The following CACNA1D variants were observed in gnomAD, a reference collection of about 807,000 sequenced individuals.
The protein encoded by CACNA1D is voltage-dependent L-type calcium channel subunit alpha-1D.
In CACNA1D, 55 loss-of-function variants were observed where a neutral mutation model predicts 257.1. The ratio of observed to expected loss-of-function variants is 0.21; its 90% CI spans 0.17 to 0.27. The LOEUF (loss-of-function observed/expected upper bound fraction) is 0.27. CACNA1D is among the 10% of genes least tolerant of loss of function. CACNA1D has a pLI of 1.00. For missense variants in CACNA1D, 1,876 were observed against 2,784.0 expected, an observed-to-expected ratio of 0.67 and a Z score of 7.34; for synonymous variants, 980 against 1,014.9, an observed-to-expected ratio of 0.97 and a Z score of 0.65.
At chr3:53,667,275 T>C (rs1047674215) in intron 7 of CACNA1D, among the ~76,000 whole-genome samples, 31 of 152,220 alleles carry the variant, frequency 2.0e-4, no homozygotes, top group African/African-American at 6.5e-4. Flanking sequence ...AGATTTGCTG[T>C]ATAAAAATAA....
intron 18 of CACNA1D, 129 bp downstream of exon 18, chr3:53,732,211 T>G: frequency 1.4e-6 from 1 of 738,784 alleles, no homozygotes; most frequent in East Asian, 2.6e-5. Context: ...ACCAAGGCCG[T>G]GGGACCAGTT....
chr3:53,583,458 C>T (rs906194874), intron 3 of CACNA1D, among the ~76,000 whole-genome samples: 8 of 152,148 alleles, frequency 5.3e-5, no homozygotes, highest in Non-Finnish European at 8.8e-5. Flanking sequence ...GCCCCATGAC[C>T]CCCAAGTATA....
At position 53,811,093 on chromosome 3, in the gene CACNA1D, C is replaced by T. The variant is rs376690089; in HGVS notation, c.6193-20C>T. The T allele has an allele frequency of 6.2e-7, 1 of 1,608,150 alleles. No individual in the cohort carries two copies. Among genetic ancestry groups the T allele is most frequent in the Non-Finnish European group, 8.5e-7 (1 of 1,174,846 alleles). On this transcript the variant is annotated intron_variant, in intron 47 of 47. Transcript: ENST00000350061. This position sits in a 1 kb window ranked among gnomAD's most constrained non-coding sequence, Gnocchi z 4.2. The stretch of plus-strand genomic sequence containing the variant: ...AGCCTTATAACACCCCCATGCCATC[C>T]ATCCCTCTTTTCTGTACAGGTCCTG...
At chr3:53,801,760 G>A (rs1212321087) in intron 42 of CACNA1D, among the ~76,000 whole-genome samples, 2 of 152,230 alleles carry the variant, frequency 1.3e-5, no homozygotes, top group African/African-American at 4.8e-5. Flanking sequence ...AAGGGTCAGT[G>A]AGTCAATATT....
At chr3:53,745,232 G>A (rs2095156567) in intron 23 of CACNA1D, among the ~76,000 whole-genome samples, 2 of 150,144 alleles carry the variant, frequency 1.3e-5, no homozygotes, top group East Asian at 1.9e-4. Context: ...TGCACCTGTA[G>A]CATTTCTTCT....
At chr3:53,721,879 G>C (rs1176226231) in intron 11 of CACNA1D, among the ~76,000 whole-genome samples, 2 of 152,164 alleles carry the variant, frequency 1.3e-5, no homozygotes, top group African/African-American at 4.8e-5. Flanking sequence ...GATGCTGCAA[G>C]AGATGTGTAT....
intron 7 of CACNA1D, among the ~76,000 whole-genome samples, chr3:53,668,003 C>A (rs2094286239): frequency 6.6e-6 from 1 of 152,152 alleles, no homozygotes; most frequent in Non-Finnish European, 1.5e-5. Context: ...GCTATTATTT[C>A]CTAAATTGCA....
At position 53,522,612 on chromosome 3, in the gene CACNA1D, A is replaced by G. The variant is rs577084174; in HGVS notation, c.483+20892A>G. Among the ~76,000 whole-genome samples, 11 of 152,310 alleles carry G rather than the reference A, an allele frequency of 7.2e-5. No homozygotes were observed. In the East Asian group the frequency reaches 2.1e-3, roughly 29 times the overall value. ...GTGGATGAATTGATCTACTCTTTGG[A>G]CTAGGGGAAGATGTTGAAGAATTTT... On this transcript the variant is annotated intron_variant, in intron 3 of 47. Coordinates refer to ENST00000350061, the MANE Select transcript of CACNA1D (RefSeq NM_001128840.3).
At chr3:53,608,407 G>C (rs1217432676) in intron 3 of CACNA1D, among the ~76,000 whole-genome samples, 1 of 152,122 alleles carries the variant, frequency 6.6e-6, no homozygotes, top group Non-Finnish European at 1.5e-5. Flanking sequence ...TAGACATATA[G>C]ATCATGTCAT....
Position 53,776,052 on chromosome 3 carries a change from G to C in CACNA1D, c.4362+7G>C. 1 of 1,612,524 alleles carries C rather than the reference G, an allele frequency of 6.2e-7. No individual in the cohort carries two copies. Among genetic ancestry groups the C allele is most frequent in the Non-Finnish European group, 8.5e-7 (1 of 1,178,668 alleles). Reference sequence around the variant, plus strand: ...CATGCTCTGTGCATTTCTGGTAAGTGAGCAACACAGCTCCCCCTCTCAATT... The same window carrying C: ...CATGCTCTGTGCATTTCTGGTAAGTCAGCAACACAGCTCCCCCTCTCAATT... On this transcript the variant is annotated splice_region_variant and intron_variant, in intron 35 of 47. Coordinates refer to ENST00000350061, the MANE Select transcript of CACNA1D (RefSeq NM_001128840.3).
At position 53,558,011 on chromosome 3, in the gene CACNA1D, C is replaced by T. The variant is rs139023994; in HGVS notation, c.483+56291C>T. On this transcript the variant is annotated intron_variant, in intron 3 of 47. Transcript: ENST00000350061. The stretch of plus-strand genomic sequence containing the variant: ...GATATCCTTCTCTATTTATTAAGGT[C>T]AGCTTCTGTTGAGTTGATCATGTGC... 5.2e-3 allele frequency among the ~76,000 whole-genome samples: 787 copies of T among 152,278 alleles called. 5 individuals are homozygous for T. The highest frequency in any genetic ancestry group is 0.018 in the African/African-American group (731 of 41,550).
Position 53,495,232 on chromosome 3 carries a change from C to G in CACNA1D, c.66C>G (p.Asn22Lys), listed in dbSNP as rs764470171. Reference sequence around the variant, plus strand: ...GGCAGCAGCAAGCGGACCACGCGAACGGTGAGCAGCCAGAGCCCGGGCACC... The same window carrying G: ...GGCAGCAGCAAGCGGACCACGCGAAGGGTGAGCAGCCAGAGCCCGGGCACC... Reference protein sequence around the residue: ...HQRQQQADHANEANYARGTRL... With the variant: ...HQRQQQADHAKEANYARGTRL... The change falls in exon 1 of 48, where the codon AAC (asparagine) becomes AAG (lysine). Residue 22 changes from asparagine (N) to lysine (K), a missense_variant and splice_region_variant. Asn to Lys is a moderately conservative substitution (Grantham distance 94, BLOSUM62 0). Coordinates refer to ENST00000350061, the MANE Select transcript of CACNA1D (RefSeq NM_001128840.3). This position sits in a 1 kb window ranked among gnomAD's most constrained non-coding sequence, Gnocchi z 5.1. The G allele has an allele frequency of 6.2e-7, 1 of 1,613,712 alleles. No homozygotes were observed. Among genetic ancestry groups the G allele is most frequent in the Admixed American group, 1.7e-5 (1 of 60,024 alleles).
At chr3:53,510,310 G>C (rs55937644) in intron 3 of CACNA1D, among the ~76,000 whole-genome samples, 1 of 152,030 alleles carries the variant, frequency 6.6e-6, no homozygotes, top group Non-Finnish European at 1.5e-5. Flanking sequence ...TTTAAATTTC[G>C]TGCAAGTGGG....
chr3:53,638,459 G>A (rs1040420530), intron 3 of CACNA1D, among the ~76,000 whole-genome samples: 9 of 152,232 alleles, frequency 5.9e-5, no homozygotes, highest in African/African-American at 1.9e-4. Flanking sequence ...CTGGGTGGTG[G>A]CTGGTGGCTG....
At chr3:53,510,611 G>A (rs1291088432) in intron 3 of CACNA1D, among the ~76,000 whole-genome samples, 3 of 152,188 alleles carry the variant, frequency 2.0e-5, no homozygotes, top group East Asian at 1.9e-4. Flanking sequence ...GGGTATGTGC[G>A]TTTTTAATAT....
intron 8 of CACNA1D, among the ~76,000 whole-genome samples, chr3:53,689,491 GC>G (rs2094501325): frequency 6.6e-6 from 1 of 152,010 alleles, no homozygotes; most frequent in Non-Finnish European, 1.5e-5. Flanking sequence ...GCTGGGGGCT[GC>G]AGGGATGGGG....
chr3:53,740,598 G>GTTT, intron 21 of CACNA1D: 13 of 331,346 alleles, frequency 3.9e-5, no homozygotes, highest in South Asian at 7.3e-5. Flanking sequence ...GTTGAGCTAA[G>GTTT]TTTTTTTTTT....
chr3:53,576,785 C>A (rs3774454), intron 3 of CACNA1D, among the ~76,000 whole-genome samples: 143,787 of 152,306 alleles, frequency 0.94, 67,946 homozygotes, highest in African/African-American at 0.97. Flanking sequence ...ACCCCATATC[C>A]CCACCAAAGG....
At chr3:53,627,658 G>C (rs550499823) in intron 3 of CACNA1D, among the ~76,000 whole-genome samples, 1 of 151,806 alleles carries the variant, frequency 6.6e-6, no homozygotes, top group African/African-American at 2.4e-5. Context: ...ATTATAAAGG[G>C]CTGGCTTAGT....
Sources: allele counts gnomAD v4.1 joint callset (sites outside exome capture counted in the v4.1 genomes callset), GRCh38; gene constraint gnomAD v4.1.1; non-coding constraint Gnocchi (gnomAD v3.1); transcripts MANE v1.5; gene names NCBI Gene and HGNC (gene_info 2026-07-23, HGNC 2026-07-21).